Variants in DDHD1 observed in about 807,000 individuals in gnomAD.
DDHD1 encodes the protein phospholipase DDHD1.
Under a neutral mutation model 96.4 loss-of-function variants are expected in DDHD1, and 49 were observed. That is an observed-to-expected ratio of 0.51 (90% CI 0.40 to 0.64). The LOEUF (loss-of-function observed/expected upper bound fraction) is 0.64. DDHD1 is among the 30% of genes least tolerant of loss of function. The pLI, the probability that DDHD1 is intolerant of heterozygous loss-of-function variation, is 0.00. For synonymous variants in DDHD1, 442 were observed against 446.5 expected (o/e 0.99, Z 0.13); for missense variants, 1,106 against 1,161.2 (o/e 0.95, Z 0.69).
chr14:53,046,695 C>T lies in DDHD1; in HGVS notation c.*73G>A, dbSNP rs1224717849. 1.2e-5 allele frequency: 12 copies of T among 1,023,682 alleles called. No individual in the cohort carries two copies. The highest frequency in any genetic ancestry group is 2.5e-5 in the South Asian group (1 of 40,782). 63.4% of individuals were successfully genotyped at this position (1,023,682 alleles called of 1,614,324 possible). ...AAATATACTTTAACCCTGAAATCTC[C>T]GTATCTTGACACACACATTTTAACG... On this transcript the variant is annotated 3_prime_UTR_variant, in exon 13 of 13. Transcript: ENST00000673822.
At chr14:53,145,630 A>G (rs1890928131) in intron 1 of DDHD1, among the ~76,000 whole-genome samples, 1 of 152,194 alleles carries the variant, frequency 6.6e-6, no homozygotes, top group Non-Finnish European at 1.5e-5. Flanking sequence ...AGCCAGAGAC[A>G]ATTAGTAATA....
intron 6 of DDHD1, among the ~76,000 whole-genome samples, chr14:53,069,878 C>T (rs1190905785): frequency 6.6e-6 from 1 of 152,164 alleles, no homozygotes; most frequent in Non-Finnish European, 1.5e-5. Flanking sequence ...AGTTCTCATG[C>T]TCTCCCATGA....
intron 12 of DDHD1, among the ~76,000 whole-genome samples, chr14:53,051,046 A>G (rs1460176907): frequency 6.6e-6 from 1 of 151,788 alleles, no homozygotes; most frequent in Non-Finnish European, 1.5e-5. Context: ...AACTGAAGTA[A>G]TGTAAGAGTT....
At chr14:53,142,795 A>C (rs7153042) in intron 1 of DDHD1, among the ~76,000 whole-genome samples, 4,706 of 152,212 alleles carry the variant, frequency 0.031, 242 homozygotes, top group African/African-American at 0.1. Context: ...GGGCCTGAGA[A>C]ACCAGACAAA....
intron 5 of DDHD1, among the ~76,000 whole-genome samples, chr14:53,072,957 A>G (rs1884648869): frequency 6.6e-6 from 1 of 151,990 alleles, no homozygotes; most frequent in South Asian, 2.1e-4. Context: ...ATAAAGCGTC[A>G]CCCTTTTTTG....
rs142137313 is a variant in DDHD1 at position 53,152,279 on chromosome 14, A to G, written c.820T>C (p.Tyr274His). The G allele has an allele frequency of 9.3e-6, 15 of 1,610,694 alleles. No homozygotes were observed. Among genetic ancestry groups the G allele is most frequent in the African/African-American group, 5.3e-5 (4 of 74,916 alleles). ...TACTCACGGTTCCAGTACACCGGGT[A>G]GCACTCTCCTTGGGTCACATCCACC... ...YEVDVTQGECYPVYWNQADKI... is the reference protein window; with the variant it reads ...YEVDVTQGECHPVYWNQADKI... Residue 274 changes from tyrosine to histidine, a missense_variant, in exon 1 of 13, where the codon TAC becomes CAC. Physicochemically the swap from Tyr to His is moderately conservative, Grantham distance 83 (BLOSUM62 2). Around this residue, in one of 2 missense-constraint regions of DDHD1, gnomAD observed 456 missense variants for 402.4 expected, o/e 1.13. Transcript: ENST00000673822.
At chr14:53,062,517 A>G (rs1433414496) in intron 7 of DDHD1, among the ~76,000 whole-genome samples, 1 of 152,050 alleles carries the variant, frequency 6.6e-6, no homozygotes, top group Non-Finnish European at 1.5e-5. Flanking sequence ...TATAACATGT[A>G]AAAAAATATA....
intron 1 of DDHD1, among the ~76,000 whole-genome samples, chr14:53,151,301 A>T (rs1479591600): frequency 6.6e-6 from 1 of 152,226 alleles, no homozygotes; most frequent in Non-Finnish European, 1.5e-5. Flanking sequence ...TGGGCCCACG[A>T]AAATTAAAAG....
chr14:53,104,341 T>C (rs771885036), intron 1 of DDHD1, among the ~76,000 whole-genome samples: 4 of 152,342 alleles, frequency 2.6e-5, no homozygotes, highest in East Asian at 3.8e-4. Context: ...AAAATCACTT[T>C]AGCACTAGAA....
chr14:53,087,839 C>T (rs903402672), intron 4 of DDHD1, among the ~76,000 whole-genome samples: 1 of 151,954 alleles, frequency 6.6e-6, no homozygotes, highest in Non-Finnish European at 1.5e-5. Flanking sequence ...AATAGCGACA[C>T]AAAAAACCCT....
At chr14:53,083,476 C>T (rs1198769537) in intron 4 of DDHD1, among the ~76,000 whole-genome samples, 1 of 152,176 alleles carries the variant, frequency 6.6e-6, no homozygotes, top group African/African-American at 2.4e-5. Flanking sequence ...TAAAAATTTG[C>T]TTCTCAGTCT....
rs1477373377 is a variant in DDHD1 at position 53,051,905 on chromosome 14, G to C, written c.2460C>G (p.Phe820Leu). ...GAAAAAGAAGTTGTGGGAGATTAAA[G>C]AACGATTCTTGAAGTCTGAAATCTG... ...DSAYFRLQES[F>L]FNLPQLLFPE... Residue 820 changes from phenylalanine (F) to leucine (L), a missense_variant, in exon 12 of 13, where the codon TTC (phenylalanine) becomes TTG (leucine). Phe to Leu is a conservative substitution (Grantham distance 22). Coordinates refer to ENST00000673822, the MANE Select transcript of DDHD1 (RefSeq NM_001160148.2). 6.3e-7 allele frequency: 1 copy of C among 1,593,856 alleles called. No homozygotes were observed. The highest frequency in any genetic ancestry group is 2.3e-5 in the East Asian group (1 of 44,346).
chr14:53,101,346 T>C (rs944432067), intron 2 of DDHD1, among the ~76,000 whole-genome samples: 1 of 152,084 alleles, frequency 6.6e-6, no homozygotes, highest in African/African-American at 2.4e-5. Context: ...AAGATATAAA[T>C]ATATGTTTAA....
chr14:53,147,943 C>G (rs138373323), intron 1 of DDHD1, among the ~76,000 whole-genome samples: 5 of 152,088 alleles, frequency 3.3e-5, no homozygotes, highest in Non-Finnish European at 7.4e-5. Context: ...ATGAATAACA[C>G]GGTCACATCT....
intron 1 of DDHD1, among the ~76,000 whole-genome samples, chr14:53,115,174 G>GA (rs1363649393): frequency 1.3e-5 from 2 of 151,940 alleles, no homozygotes; most frequent in African/African-American, 2.4e-5. Flanking sequence ...AAAGATTAGA[G>GA]AAAAAAAGAA....
intron 2 of DDHD1, chr14:53,093,770 T>C (rs918362485): frequency 1.4e-5 from 4 of 277,348 alleles, no homozygotes; most frequent in Admixed American, 5.8e-5. Flanking sequence ...TGTGGCTGAC[T>C]CTTCACTGGG....
chr14:53,134,097 C>T (rs1397040850), intron 1 of DDHD1, among the ~76,000 whole-genome samples: 1 of 152,140 alleles, frequency 6.6e-6, no homozygotes, highest in East Asian at 1.9e-4. Context: ...TCTATTAGGT[C>T]TATTCGTCCT....
At chr14:53,058,723 T>C (rs538230335) in intron 8 of DDHD1, 97 bp from the exon 9 acceptor site, 4 of 1,071,502 alleles carry the variant, frequency 3.7e-6, no homozygotes. Flanking sequence ...ATACAAATAA[T>C]AAAATATCTT....
chr14:53,054,360 A>G (rs1427382861), intron 11 of DDHD1, 78 bp downstream of exon 11: 5 of 1,324,936 alleles, frequency 3.8e-6, no homozygotes, highest in Non-Finnish European at 5.2e-6. Flanking sequence ...AGCTAGTATT[A>G]ATATTTTATA....
Sources: allele counts gnomAD v4.1 joint callset (sites outside exome capture counted in the v4.1 genomes callset), GRCh38; gene constraint gnomAD v4.1.1; regional missense constraint gnomAD v4.1.1; transcripts MANE v1.5; gene names NCBI Gene and HGNC (gene_info 2026-07-23, HGNC 2026-07-21).